Variants in ATXN8OS observed in about 807,000 individuals in gnomAD.
The protein encoded by ATXN8OS is ATXN8 opposite strand lncRNA.
At chr13:70,111,436 C>T (rs1348271416) in intron 1 of ATXN8OS, among the ~76,000 whole-genome samples, 1 of 152,148 alleles carries the variant, frequency 6.6e-6, no homozygotes, top group Non-Finnish European at 1.5e-5. Flanking sequence ...GCTGCACAGG[C>T]ATCATATGGC....
At chr13:70,108,048 C>A (rs768312355) in intron 1 of ATXN8OS, 4 of 421,216 alleles carry the variant, frequency 9.5e-6, no homozygotes, top group Non-Finnish European at 1.7e-5. Flanking sequence ...TGGAGATGCG[C>A]GAGGGAGGGA....
chr13:70,170,888 A>G (rs1449891746), exon 5 of ATXN8OS, among the ~76,000 whole-genome samples: 2 of 152,082 alleles, frequency 1.3e-5, no homozygotes, highest in Non-Finnish European at 2.9e-5. Flanking sequence ...CCGGTATAAC[A>G]TGTTACTGTG....
intron 2 of ATXN8OS, chr13:70,115,419 G>T (rs1284014687): frequency 2.5e-6 from 1 of 395,328 alleles, no homozygotes; most frequent in East Asian, 3.6e-5. Flanking sequence ...TCCAACAGAA[G>T]AATGTGAAGA....
rs555180467 is a variant in ATXN8OS, at chr13:70,128,464, G to A, written n.399-1320G>A. Among the ~76,000 whole-genome samples, 4 of 152,014 alleles carry A rather than the reference G, an allele frequency of 2.6e-5. No homozygotes were observed. The South Asian group carries it at 8.3e-4, about 32-fold the overall frequency. ...ACCCGTAGTTGTACTAAGAAGGGGAGGGCAAATGGTCTTGAAGAGTAGAAA... is the reference window on the plus strand; with the variant it reads ...ACCCGTAGTTGTACTAAGAAGGGGAAGGCAAATGGTCTTGAAGAGTAGAAA... On this transcript the variant is annotated intron_variant and non_coding_transcript_variant, in intron 2 of 4. Coordinates refer to ENST00000678624, the Ensembl canonical transcript of ATXN8OS.
At position 70,145,569 on chromosome 13, in the gene ATXN8OS, C is replaced by T. The variant is rs7983400; in HGVS notation, n.500-1786C>T. Among the ~76,000 whole-genome samples, 4 of 152,046 alleles carry T rather than the reference C, an allele frequency of 2.6e-5. No homozygotes were observed. In the East Asian group the frequency reaches 5.8e-4, roughly 22 times the overall value. On this transcript the variant is annotated intron_variant and non_coding_transcript_variant, in intron 3 of 4. Coordinates refer to ENST00000678624, the Ensembl canonical transcript of ATXN8OS. Reference sequence around the variant, plus strand: ...TTCTCCTTGAAGAGGTCCTTCACATCCCTTGTAAGTTGGATTCCTAGGTAT... The same window carrying T: ...TTCTCCTTGAAGAGGTCCTTCACATTCCTTGTAAGTTGGATTCCTAGGTAT...
rs570884072 is a variant in ATXN8OS, at chr13:70,113,004, C to A, written n.241-2137C>A. Among the ~76,000 whole-genome samples the A allele has an allele frequency of 7.0e-3, 1,039 of 147,452 alleles. 6 individuals are homozygous for A. The highest frequency in any genetic ancestry group is 0.011 in the Non-Finnish European group (766 of 67,380). On this transcript the variant is annotated intron_variant and non_coding_transcript_variant, in intron 1 of 4. Coordinates refer to ENST00000678624, the Ensembl canonical transcript of ATXN8OS. ...GTGGCGTGATTCCTGCTCACTGCAA[C>A]CTTCACCTCCTGGATTCAAGTGATT...
At position 70,139,383 on chromosome 13, in the gene ATXN8OS, A is replaced by ACTGCTGCTGCTGCTG. The variant is rs193922930; in HGVS notation, n.500-7940_500-7926dup. 4.2e-3 allele frequency: 1,934 copies of ACTGCTGCTGCTGCTG among 458,186 alleles called. 230 individuals are homozygous for ACTGCTGCTGCTGCTG. The highest frequency in any genetic ancestry group is 9.7e-3 in the African/African-American group (314 of 32,246). The allele number at this position is 458,186 out of a possible 1,614,324, so 28.4% of individuals were successfully genotyped here. On this transcript the variant is annotated intron_variant and non_coding_transcript_variant, in intron 3 of 4. Coordinates refer to ENST00000678624, the Ensembl canonical transcript of ATXN8OS. ...TACTACTACTACTACTACTACTACT[A>ACTGCTGCTGCTGCTG]CTGCTGCTGCTGCTGCTGCTGCTGC...
intron 4 of ATXN8OS, among the ~76,000 whole-genome samples, chr13:70,152,676 A>C (rs1430968847): frequency 6.6e-6 from 1 of 152,110 alleles, no homozygotes; most frequent in African/African-American, 2.4e-5. Context: ...GAGATTAAGG[A>C]AGCCTCTCAC....
chr13:70,162,677 G>A (rs1410612), intron 4 of ATXN8OS, among the ~76,000 whole-genome samples: 141,054 of 152,036 alleles, frequency 0.93, 65,988 homozygotes, highest in East Asian at 0.99. Flanking sequence ...AAAATATTAG[G>A]CCTCACAATC....
intron 4 of ATXN8OS, among the ~76,000 whole-genome samples, chr13:70,152,609 C>T (rs1222880969): frequency 6.6e-6 from 1 of 151,802 alleles, no homozygotes; most frequent in Non-Finnish European, 1.5e-5. Context: ...GCCCCTATGC[C>T]TAGTGTAGCA....
At chr13:70,164,055 C>A (rs2498506) in intron 4 of ATXN8OS, among the ~76,000 whole-genome samples, 8,789 of 29,034 alleles carry the variant, frequency 0.3, 448 homozygotes, top group East Asian at 0.53. Flanking sequence ...AGTTTTTATT[C>A]TTATTATTAT....
At chr13:70,120,554 G>A (rs886765664) in intron 2 of ATXN8OS, among the ~76,000 whole-genome samples, 1 of 152,122 alleles carries the variant, frequency 6.6e-6, no homozygotes, top group African/African-American at 2.4e-5. Flanking sequence ...GCACTATAAA[G>A]CAAGCTTCCA....
At chr13:70,157,288 A>G (rs910538051) in intron 4 of ATXN8OS, among the ~76,000 whole-genome samples, 10 of 152,168 alleles carry the variant, frequency 6.6e-5, no homozygotes, top group Admixed American at 5.9e-4. Context: ...AACAGTTTTG[A>G]CAAACTGATA....
intron 2 of ATXN8OS, among the ~76,000 whole-genome samples, chr13:70,125,037 T>A (rs1323981464): frequency 6.6e-6 from 1 of 152,100 alleles, no homozygotes; most frequent in African/African-American, 2.4e-5. Flanking sequence ...AAACCGCATA[T>A]ATTTTACTCC....
intron 1 of ATXN8OS, among the ~76,000 whole-genome samples, chr13:70,111,806 A>G (rs947168201): frequency 6.6e-6 from 1 of 152,136 alleles, no homozygotes; most frequent in Non-Finnish European, 1.5e-5. Context: ...CTTCTACATG[A>G]TAATACTCAA....
intron 4 of ATXN8OS, among the ~76,000 whole-genome samples, chr13:70,152,268 T>C (rs1050704996): frequency 8.5e-5 from 13 of 152,100 alleles, no homozygotes; most frequent in African/African-American, 3.1e-4. Flanking sequence ...GAGCTTCCCA[T>C]CTAAGTACCC....
intron 3 of ATXN8OS, among the ~76,000 whole-genome samples, chr13:70,134,191 T>C (rs1888575344): frequency 6.6e-6 from 1 of 152,208 alleles, no homozygotes; most frequent in Non-Finnish European, 1.5e-5. Context: ...AGGCCATCCG[T>C]ATTGTCAAAC....
At chr13:70,145,326 T>G (rs1161205760) in intron 3 of ATXN8OS, among the ~76,000 whole-genome samples, 1 of 151,900 alleles carries the variant, frequency 6.6e-6, no homozygotes, top group African/African-American at 2.4e-5. Context: ...ATTGACTTGG[T>G]GATACGGGCT....
intron 3 of ATXN8OS, among the ~76,000 whole-genome samples, chr13:70,135,161 T>A (rs1777990983): frequency 6.6e-6 from 1 of 152,190 alleles, no homozygotes; most frequent in Non-Finnish European, 1.5e-5. Context: ...TTTATTATCA[T>A]TTTGAGTATT....
Sources: gnomAD v4.1 joint callset for allele counts (sites outside exome capture counted in the v4.1 genomes callset) on GRCh38, gnomAD v4.1.1 for gene constraint, MANE v1.5 for transcripts, NCBI Gene and HGNC (gene_info 2026-07-23, HGNC 2026-07-21) for gene names.